PDE2A: variants seen among roughly 807,000 people sequenced by gnomAD.
PDE2A encodes the protein phosphodiesterase 2A.
Under a neutral mutation model 133.6 loss-of-function variants are expected in PDE2A, and 53 were observed. The observed-to-expected ratio is 0.40, with a 90% CI of 0.32 to 0.50. The LOEUF (loss-of-function observed/expected upper bound fraction) is 0.50, where lower values mean the gene tolerates loss of function less well. Among genes scored for constraint, PDE2A ranks in the 20% least tolerant of loss-of-function variants. The pLI, the probability that PDE2A is intolerant of heterozygous loss-of-function variation, is 0.73. For synonymous variants in PDE2A, 491 were observed against 490.2 expected, an observed-to-expected ratio of 1.00 and a Z score of -0.02; for missense variants, 796 against 1,232.4, an observed-to-expected ratio of 0.65 and a Z score of 5.30.
At chr11:72,659,743 T>A (rs1055639250) in intron 1 of PDE2A, among the ~76,000 whole-genome samples, 13 of 152,126 alleles carry the variant, frequency 8.5e-5, no homozygotes, top group Non-Finnish European at 1.6e-4. Flanking sequence ...TATATAGCCA[T>A]TTCCACCAGG....
Position 72,627,443 on chromosome 11 carries a change from G to T in PDE2A, c.144+14811C>A, listed in dbSNP as rs181841566. Among the ~76,000 whole-genome samples the T allele has an allele frequency of 7.5e-4, 115 of 152,356 alleles. 1 individual carries two copies. The highest frequency in any genetic ancestry group is 5.9e-5 in the Non-Finnish European group (4 of 68,026). ...ACAAAGGAGGTGACATTTCATCTGG[G>T]CCTTGAAAAGAGAGTAGGTGGAGAA... On this transcript the variant is annotated intron_variant, in intron 2 of 30. Transcript: ENST00000334456.
intron 6 of PDE2A, among the ~76,000 whole-genome samples, chr11:72,594,204 G>C (rs931466558): frequency 7.2e-5 from 11 of 152,230 alleles, no homozygotes; most frequent in African/African-American, 2.4e-4. Context: ...TGGATGGGTA[G>C]GTGGATCAGT....
In PDE2A at chr11:72,597,854, G is replaced by T. The variant is rs12290945; in HGVS notation, c.324-235C>A. 6.6e-6 allele frequency among the ~76,000 whole-genome samples: 1 copy of T among 152,160 alleles called. No homozygotes were observed. The highest frequency in any genetic ancestry group is 6.5e-5 in the Admixed American group (1 of 15,276). On this transcript the variant is annotated intron_variant, in intron 4 of 30. Transcript: ENST00000334456. This position sits in a 1 kb window ranked among gnomAD's most constrained non-coding sequence, Gnocchi z 4.6. ...TGGTGCCCCTTGCTGGTAAAGGCTC[G>T]GGTGGGGCCCAGTGCAGATCTTCCA...
At chr11:72,653,769 TG>T (rs1242845488) in intron 1 of PDE2A, among the ~76,000 whole-genome samples, 1 of 152,176 alleles carries the variant, frequency 6.6e-6, no homozygotes, top group Non-Finnish European at 1.5e-5. Flanking sequence ...ATCAGTGGCA[TG>T]GGGGTCACCC....
At chr11:72,617,089 G>A (rs1256237084) in intron 2 of PDE2A, among the ~76,000 whole-genome samples, 1 of 152,242 alleles carries the variant, frequency 6.6e-6, no homozygotes, top group Non-Finnish European at 1.5e-5. Context: ...AGTCCTGCTT[G>A]TCTTTGGGGC....
intron 24 of PDE2A, 36 bp from the exon 25 acceptor site, chr11:72,580,660 C>T (rs1425890286): frequency 1.3e-6 from 2 of 1,511,076 alleles, no homozygotes; most frequent in South Asian, 1.2e-5. Flanking sequence ...TCACTCCTCA[C>T]ATCCGGATCC....
intron 1 of PDE2A, among the ~76,000 whole-genome samples, chr11:72,657,086 ACCT>A (rs1365513367): frequency 6.9e-6 from 1 of 144,654 alleles, no homozygotes; most frequent in Non-Finnish European, 1.5e-5. Flanking sequence ...TCTACTGAAA[ACCT>A]CCTCCCCACT....
At chr11:72,589,078 C>T in intron 12 of PDE2A, 97 bp downstream of exon 12, 4 of 1,265,602 alleles carry the variant, frequency 3.2e-6, no homozygotes, top group Non-Finnish European at 1.1e-6. Flanking sequence ...GTCTTATCTG[C>T]CCCATTCCTA....
intron 2 of PDE2A, chr11:72,636,024 A>G (rs1402435827): frequency 7.9e-7 from 1 of 1,263,956 alleles, no homozygotes; most frequent in East Asian, 5.6e-5. Context: ...TCCCAGTGGC[A>G]GCCCCCAGTA....
intron 5 of PDE2A, 129 bp from the exon 6 acceptor site, chr11:72,596,777 CA>C: frequency 2.2e-6 from 1 of 458,704 alleles, no homozygotes. Flanking sequence ...ACAGAGACCC[CA>C]AAACCCACAG....
chr11:72,577,623 G>A, intron 30 of PDE2A, 29 bp from the exon 31 acceptor site: 1 of 1,526,302 alleles, frequency 6.6e-7, no homozygotes, highest in South Asian at 1.1e-5. Flanking sequence ...CAGAGGGCGA[G>A]AGGCCAGAAA....
At position 72,597,479 on chromosome 11, in the gene PDE2A, CCCCTG is replaced by C; in HGVS notation, c.433+26_433+30del. The C allele has an allele frequency of 7.6e-7, 1 of 1,314,580 alleles. No individual in the cohort carries two copies. The highest frequency in any genetic ancestry group is 1.1e-6 in the Non-Finnish European group (1 of 924,426). 81.4% of individuals were successfully genotyped at this position (1,314,580 alleles called of 1,614,324 possible). A position where few individuals can be genotyped will look rare whatever the true frequency, so the allele number is the denominator to read the frequency against. ...GGGCCACAGTCCCTCCCTGCCCCTG[CCCCTG>C]CCCCTGCCCAGCCCCTAGCCCTTAC... On this transcript the variant is annotated intron_variant, in intron 5 of 30. Coordinates refer to ENST00000334456, the MANE Select transcript of PDE2A (RefSeq NM_002599.5). This position sits in a 1 kb window ranked among gnomAD's most constrained non-coding sequence, Gnocchi z 4.6.
Position 72,585,609 on chromosome 11 carries a change from T to G in PDE2A, c.1183-16A>C. The stretch of plus-strand genomic sequence containing the variant: ...GGAGAAGAGCCTGGAATGAAGGAAA[T>G]GGAGATCATAGGGGGGTCGGGGTGT... On this transcript the variant is annotated splice_polypyrimidine_tract_variant and intron_variant, in intron 14 of 30. Coordinates refer to ENST00000334456, the MANE Select transcript of PDE2A (RefSeq NM_002599.5). 2 of 1,613,364 alleles carry G rather than the reference T, an allele frequency of 1.2e-6. No individual in the cohort carries two copies. The highest frequency in any genetic ancestry group is 2.2e-5 in the South Asian group (2 of 90,930).
At position 72,582,468 on chromosome 11, in the gene PDE2A, G is replaced by A; in HGVS notation, c.1827C>T (p.Ser609=). 1 of 1,613,978 alleles carries A rather than the reference G, an allele frequency of 6.2e-7. No individual in the cohort carries two copies. Among genetic ancestry groups the A allele is most frequent in the Non-Finnish European group, 8.5e-7 (1 of 1,179,870 alleles). The change falls in exon 21 of 31, where the codon TCC becomes TCT. Residue 609 remains serine (S), a synonymous_variant. Transcript: ENST00000334456. Reference sequence around the variant, plus strand: ...CCATGGACGTGTCATCCTCGGGCAGGGAACGAGGGGTATAGGTGAAACTTG... The same window carrying A: ...CCATGGACGTGTCATCCTCGGGCAGAGAACGAGGGGTATAGGTGAAACTTG... The part of the protein sequence containing the change: ...NFASFTYTPR[S]LPEDDTSMAI...
intron 2 of PDE2A, among the ~76,000 whole-genome samples, chr11:72,627,438 TCTGGGCCTTGAAAAGAGA>T (rs1858138272): frequency 1.3e-5 from 2 of 152,142 alleles, no homozygotes; most frequent in Non-Finnish European, 2.9e-5. Flanking sequence ...TGACATTTCA[TCTGGGCCTTGAAAAGAGA>T]GTAGGTGGAG....
At chr11:72,585,625 G>T (rs1484099682) in intron 14 of PDE2A, 32 bp from the exon 15 acceptor site, 17 of 1,608,848 alleles carry the variant, frequency 1.1e-5, no homozygotes, top group East Asian at 4.5e-5. Flanking sequence ...TCATAGGGGG[G>T]TCGGGGTGTA....
At chr11:72,614,593 C>T (rs755932) in intron 2 of PDE2A, among the ~76,000 whole-genome samples, 21,947 of 152,200 alleles carry the variant, frequency 0.14, 2,272 homozygotes, top group East Asian at 0.45. Flanking sequence ...AGGTCTGGGA[C>T]GAGGTCCAAG....
intron 14 of PDE2A, 99 bp downstream of exon 14, chr11:72,585,971 C>A: frequency 1.3e-6 from 1 of 759,942 alleles, no homozygotes. Flanking sequence ...AGGGCTGCCA[C>A]CAGTCCAGAA....
chr11:72,642,400 C>T (rs1858996156), intron 1 of PDE2A, 74 bp from the exon 2 acceptor site: 4 of 1,286,294 alleles, frequency 3.1e-6, no homozygotes, highest in Non-Finnish European at 4.0e-6. Flanking sequence ...CGCCCGCCCG[C>T]CGGCCCGGCC....
Sources: gnomAD v4.1 joint callset for allele counts (sites outside exome capture counted in the v4.1 genomes callset) on GRCh38, gnomAD v4.1.1 for gene constraint, Gnocchi (gnomAD v3.1) non-coding constraint, MANE v1.5 for transcripts, NCBI Gene and HGNC (gene_info 2026-07-23, HGNC 2026-07-21) for gene names.